Variants in MYSM1 observed in about 807,000 individuals in gnomAD.
MYSM1 encodes Myb like, SWIRM and MPN domains 1.
A neutral mutation model predicts 116.0 loss-of-function variants in MYSM1; 51 were observed. The observed-to-expected ratio is 0.44, with a 90% confidence interval of 0.35 to 0.56. MYSM1 has a LOEUF of 0.56. Ranked by LOEUF, MYSM1 falls within the 20% of genes least tolerant of loss-of-function variation. MYSM1 has a pLI of 0.00. For synonymous variants in MYSM1, 313 were observed against 315.2 expected (o/e 0.99, Z 0.07); for missense variants, 900 against 974.9 (o/e 0.92, Z 1.02).
At chr1:58,663,774 G>A (rs1644428975) in intron 17 of MYSM1, among the ~76,000 whole-genome samples, 1 of 152,130 alleles carries the variant, frequency 6.6e-6, no homozygotes, top group South Asian at 2.1e-4. Context: ...TCTGCTTTCT[G>A]TTCTCTTGGG....
At chr1:58,678,325 A>G (rs1226020268) in intron 8 of MYSM1, among the ~76,000 whole-genome samples, 1 of 152,188 alleles carries the variant, frequency 6.6e-6, no homozygotes, top group Admixed American at 6.5e-5. Flanking sequence ...TGAAAGCAAT[A>G]AAGCAGGCAA....
chr1:58,680,658 G>A (rs1326695883), intron 8 of MYSM1, among the ~76,000 whole-genome samples: 1 of 152,134 alleles, frequency 6.6e-6, no homozygotes, highest in Non-Finnish European at 1.5e-5. Flanking sequence ...CTAGGTTACA[G>A]CAGGAAGTTA....
chr1:58,690,229 AT>A lies in MYSM1; in HGVS notation c.316del (p.Ile106SerfsTer14). The stretch of plus-strand genomic sequence containing the variant: ...AATATAAAATATAAGTACATACATG[AT>A]TTTTGCTGTTTTCTGCAGACTGCAT... The part of the protein sequence containing the change: ...YMKSLQKTAK[I>X]MVHSPTKPAS... On this transcript the variant is annotated frameshift_variant, in exon 5 of 20. Coordinates refer to ENST00000472487, the MANE Select transcript of MYSM1 (RefSeq NM_001085487.3). LOFTEE classifies it high-confidence loss of function. 1 of 1,562,032 alleles carries A rather than the reference AT, an allele frequency of 6.4e-7. No individual in the cohort carries two copies. Among genetic ancestry groups the A allele is most frequent in the Non-Finnish European group, 8.6e-7 (1 of 1,156,872 alleles).
chr1:58,696,606 T>C (rs2100686211), intron 1 of MYSM1, among the ~76,000 whole-genome samples: 1 of 152,320 alleles, frequency 6.6e-6, no homozygotes, highest in African/African-American at 2.4e-5. Flanking sequence ...TGAGGTCCTG[T>C]AGTTTCCAAT....
rs679619 is a variant in MYSM1 at position 58,672,072 on chromosome 1, T to A, written c.1573-114A>T. On this transcript the variant is annotated intron_variant, in intron 11 of 19. Coordinates refer to ENST00000472487, the MANE Select transcript of MYSM1 (RefSeq NM_001085487.3). ...GTGAGGACAAGAGAGACTAAATTGATATAGATGGGCTTCCTTTTTGCTACC... is the reference window on the plus strand; with the variant it reads ...GTGAGGACAAGAGAGACTAAATTGAAATAGATGGGCTTCCTTTTTGCTACC... 0.017 allele frequency: 12,778 copies of A among 740,130 alleles called. 1,075 individuals carry two copies. The African/African-American group carries it at 0.2, about 11-fold the overall frequency. 45.8% of individuals were successfully genotyped at this position (740,130 alleles called of 1,614,324 possible). A position where few individuals can be genotyped will look rare whatever the true frequency, so the allele number is the denominator to read the frequency against.
intron 8 of MYSM1, among the ~76,000 whole-genome samples, chr1:58,678,123 G>A (rs1224272794): frequency 6.6e-6 from 1 of 152,156 alleles, no homozygotes; most frequent in Non-Finnish European, 1.5e-5. Context: ...ATAGTGCTAA[G>A]TAAGAAGGTC....
chr1:58,680,438 A>T (rs944820093), intron 8 of MYSM1, among the ~76,000 whole-genome samples: 1 of 152,246 alleles, frequency 6.6e-6, no homozygotes, highest in Admixed American at 6.5e-5. Flanking sequence ...ATGTAAAGTC[A>T]GGAGTTGTTC....
chr1:58,698,102 A>ATATATATT, intron 1 of MYSM1, among the ~76,000 whole-genome samples: 1 of 7,776 alleles, frequency 1.3e-4, no homozygotes, highest in African/African-American at 2.6e-4. Context: ...ATATATATAT[A>ATATATATT]TTTTTTTTTT....
At chr1:58,668,216 T>C (rs1287706097) in intron 14 of MYSM1, among the ~76,000 whole-genome samples, 1 of 152,228 alleles carries the variant, frequency 6.6e-6, no homozygotes, top group Non-Finnish European at 1.5e-5. Context: ...GGAGGTATTA[T>C]GTAAGGATAC....
intron 17 of MYSM1, among the ~76,000 whole-genome samples, chr1:58,663,838 T>A (rs1247568930): frequency 1.3e-5 from 2 of 152,210 alleles, no homozygotes; most frequent in African/African-American, 4.8e-5. Flanking sequence ...TCACCTTAAT[T>A]GAGTCGGCCT....
At chr1:58,670,511 G>A (rs1406854793) in intron 12 of MYSM1, among the ~76,000 whole-genome samples, 2 of 152,182 alleles carry the variant, frequency 1.3e-5, no homozygotes, top group Non-Finnish European at 2.9e-5. Context: ...GTGAAGAGGT[G>A]ACTAAGTAAA....
chr1:58,690,144 G>T (rs781430755), intron 5 of MYSM1, 82 bp downstream of exon 5: 53 of 1,177,976 alleles, frequency 4.5e-5, no homozygotes, highest in Non-Finnish European at 6.0e-5. Flanking sequence ...TTTTCCACAG[G>T]CCAACTATAA....
chr1:58,684,922 T>TTGTCC (rs1453480503), intron 7 of MYSM1, among the ~76,000 whole-genome samples: 1 of 152,206 alleles, frequency 6.6e-6, no homozygotes, highest in African/African-American at 2.4e-5. Flanking sequence ...GAGCAATTAC[T>TTGTCC]ATTTTGTCCA....
At chr1:58,699,550 C>A in intron 1 of MYSM1, 1 of 842,180 alleles carries the variant, frequency 1.2e-6, no homozygotes, top group Non-Finnish European at 1.4e-6. Flanking sequence ...CAACTATCCC[C>A]ATGTGGAAGA....
intron 7 of MYSM1, 108 bp from the exon 8 acceptor site, chr1:58,682,653 T>A: frequency 2.9e-6 from 3 of 1,027,222 alleles, no homozygotes; most frequent in South Asian, 2.1e-5. Flanking sequence ...TGAATACATG[T>A]AAATGGTACA....
chr1:58,682,138 G>A lies in MYSM1; in HGVS notation c.906C>T (p.Ser302=). 6.2e-7 allele frequency: 1 copy of A among 1,613,522 alleles called. No individual in the cohort carries two copies. The highest frequency in any genetic ancestry group is 1.1e-5 in the South Asian group (1 of 91,042). The part of the protein sequence containing the change: ...SEITLWTEKQ[S]NGDKKSIELN... ...ATTCAATTGATTTTTTGTCACCATTGCTCTGTTTCTCAGTCCACAGTGTAA... is the reference window on the plus strand; with the variant it reads ...ATTCAATTGATTTTTTGTCACCATTACTCTGTTTCTCAGTCCACAGTGTAA... The change falls in exon 8 of 20, where the codon AGC becomes AGT. Residue 302 remains serine (S), a synonymous_variant. Transcript: ENST00000472487.
At position 58,682,099 on chromosome 1, in the gene MYSM1, T is replaced by G. The variant is rs1308119905; in HGVS notation, c.945A>C (p.Lys315Asn). ...TGCAGTTTTTAATCAATTCATTAAATTTCTGGTCATTTAATTCAATTGATT... is the reference window on the plus strand; with the variant it reads ...TGCAGTTTTTAATCAATTCATTAAAGTTCTGGTCATTTAATTCAATTGATT... ...DKKSIELNDQ[K>N]FNELIKNCNK... The change falls in exon 8 of 20, where the codon AAA (lysine) becomes AAC (asparagine). Residue 315 changes from lysine (K) to asparagine (N), a missense_variant. This residue lies in a region of MYSM1 where 622 missense variants were observed against 623.7 expected (regional missense o/e 1.00). Transcript: ENST00000472487. The G allele has an allele frequency of 6.2e-7, 1 of 1,614,044 alleles. No homozygotes were observed. The highest frequency in any genetic ancestry group is 8.5e-7 in the Non-Finnish European group (1 of 1,179,986).
intron 2 of MYSM1, among the ~76,000 whole-genome samples, chr1:58,694,061 C>G (rs1439901963): frequency 1.3e-5 from 2 of 152,148 alleles, no homozygotes; most frequent in Non-Finnish European, 2.9e-5. Context: ...ACATATCTAC[C>G]CTTTTTCCCA....
chr1:58,665,516 C>G lies in MYSM1; in HGVS notation c.2147G>C (p.Ser716Thr), dbSNP rs933672241. 6.2e-7 allele frequency: 1 copy of G among 1,601,588 alleles called. No homozygotes were observed. Among genetic ancestry groups the G allele is most frequent in the Non-Finnish European group, 8.5e-7 (1 of 1,173,318 alleles). Reference protein sequence around the residue: ...ITCLVISEEISPDGSYRLPYK... With the variant: ...ITCLVISEEITPDGSYRLPYK... ...AAACTTACGATAAGAGCCATCTGGG[C>G]TAATTTCCTCACTTATAACCAGGCA... Residue 716 changes from serine to threonine, a missense_variant, in exon 17 of 20, where the codon AGC (serine) becomes ACC (threonine). Transcript: ENST00000472487.
Sources: allele counts gnomAD v4.1 joint callset (sites outside exome capture counted in the v4.1 genomes callset), GRCh38; gene constraint gnomAD v4.1.1; regional missense constraint gnomAD v4.1.1; transcripts MANE v1.5; gene names NCBI Gene and HGNC (gene_info 2026-07-23, HGNC 2026-07-21).